The following MILR1 variants were observed in gnomAD, a reference collection of about 807,000 sequenced individuals.
MILR1 encodes allergin-1.
Under a neutral mutation model 18.5 loss-of-function variants are expected in MILR1, and 31 were observed. That is an observed-to-expected ratio of 1.68 (90% CI 1.26 to 2.26). The LOEUF (loss-of-function observed/expected upper bound fraction) is 2.26, where lower values mean the gene tolerates loss of function less well. MILR1 is among the 30% of genes most tolerant of loss of function. The probability of loss-of-function intolerance (pLI) is 0.00; values close to 1 mark genes in which losing one functional copy is unlikely to be tolerated. For missense variants in MILR1, 257 were observed against 157.4 expected, an observed-to-expected ratio of 1.63 and a Z score of -3.38; for synonymous variants, 85 against 56.2, an observed-to-expected ratio of 1.51 and a Z score of -2.30.
At chr17:64,467,866 C>CA in intron 9 of MILR1, 1 of 340,152 alleles carries the variant, frequency 2.9e-6, no homozygotes, top group South Asian at 2.7e-5. Context: ...GCCCGGGAGG[C>CA]AGAGGTTGCA....
chr17:64,496,868 G>A, the MILR1 span: 2 of 1,613,550 alleles, frequency 1.2e-6, no homozygotes, highest in East Asian at 2.2e-5. Context: ...ACTCCTTTCC[G>A]TCAACAGCTC....
At chr17:64,483,513 C>CAAA in the MILR1 span, among the ~76,000 whole-genome samples, 1 of 113,450 alleles carries the variant, frequency 8.8e-6, no homozygotes, top group African/African-American at 2.9e-5. Flanking sequence ...GATCCTGTCT[C>CAAA]AAAAAAAAAA....
the MILR1 span, among the ~76,000 whole-genome samples, chr17:64,479,584 A>T: frequency 2.0e-5 from 3 of 152,046 alleles, no homozygotes; most frequent in Non-Finnish European, 4.4e-5. Context: ...CAAAAAGCTT[A>T]AAAAAAATAA....
chr17:64,488,127 G>C, the MILR1 span, among the ~76,000 whole-genome samples: 1 of 152,108 alleles, frequency 6.6e-6, no homozygotes, highest in Non-Finnish European at 1.5e-5. Flanking sequence ...ACTTTGGGAG[G>C]CTAAGGCAGG....
downstream of MILR1, among the ~76,000 whole-genome samples, chr17:64,471,549 C>A (rs553566395): frequency 1.3e-5 from 2 of 152,170 alleles, no homozygotes; most frequent in Non-Finnish European, 2.9e-5. Context: ...AGTGAGTAGA[C>A]CCTCAGATGC....
At chr17:64,476,513 CTTAAA>C in the MILR1 span, among the ~76,000 whole-genome samples, 1 of 151,932 alleles carries the variant, frequency 6.6e-6, no homozygotes, top group African/African-American at 2.4e-5. Context: ...GACCCTGTCT[CTTAAA>C]TTAATAAATA....
intron 6 of MILR1, among the ~76,000 whole-genome samples, chr17:64,466,056 T>TA (rs2037551055): frequency 6.6e-6 from 1 of 152,174 alleles, no homozygotes; most frequent in African/African-American, 2.4e-5. Flanking sequence ...TCGGGAGACT[T>TA]ACAATCATGG....
chr17:64,496,781 C>T, the MILR1 span: 2 of 1,613,946 alleles, frequency 1.2e-6, no homozygotes, highest in Middle Eastern at 1.6e-4. Flanking sequence ...GCTTCCCTCT[C>T]CAGACCCGGG....
At chr17:64,483,211 T>C in the MILR1 span, among the ~76,000 whole-genome samples, 4 of 152,256 alleles carry the variant, frequency 2.6e-5, no homozygotes, top group Non-Finnish European at 5.9e-5. Flanking sequence ...ACTTAGATGT[T>C]TGGCAGAAAG....
chr17:64,454,167 G>A (rs2037238771), intron 3 of MILR1, among the ~76,000 whole-genome samples: 2 of 151,588 alleles, frequency 1.3e-5, no homozygotes, highest in African/African-American at 4.9e-5. Flanking sequence ...GACCTCAGGT[G>A]ATCCACCCAC....
the MILR1 span, chr17:64,492,891 A>G: frequency 6.2e-7 from 1 of 1,613,984 alleles, no homozygotes; most frequent in African/African-American, 1.3e-5. Flanking sequence ...GCCACTTTTT[A>G]TACCTTTTAA....
rs1448379368 is a variant in MILR1, at chr17:64,457,652, C to T, written c.620C>T (p.Thr207Ile). Reference sequence around the variant, plus strand: ...AAAAACAGATTGCCTAACTATGCAACATACAGTCACCCTGTCACCATGCCC... The same window carrying T: ...AAAAACAGATTGCCTAACTATGCAATATACAGTCACCCTGTCACCATGCCC... ...EAKNRLPNYA[T>I]YSHPVTMPST... The change falls in exon 4 of 10, where the codon ACA (threonine) becomes ATA (isoleucine). Residue 207 changes from threonine to isoleucine, a missense_variant. By Grantham distance (89) the Thr-to-Ile change is moderately conservative. Coordinates refer to ENST00000619286, the MANE Select transcript of MILR1 (RefSeq NM_001085423.2). 6.3e-6 allele frequency: 3 copies of T among 475,100 alleles called. No individual in the cohort carries two copies. Among genetic ancestry groups the T allele is most frequent in the African/African-American group, 2.0e-5 (1 of 50,524 alleles). The allele number at this position is 475,100 out of a possible 1,614,324, so 29.4% of individuals were successfully genotyped here.
chr17:64,470,253 C>T (rs1473604147), downstream of MILR1, among the ~76,000 whole-genome samples: 1 of 152,082 alleles, frequency 6.6e-6, no homozygotes, highest in Non-Finnish European at 1.5e-5. Context: ...ACCACCATGC[C>T]CAGCTAATTT....
the MILR1 span, chr17:64,497,163 G>A: frequency 1.5e-6 from 1 of 656,978 alleles, no homozygotes; most frequent in South Asian, 1.7e-5. Flanking sequence ...CATGGCGGAC[G>A]CCGGCTCGGA....
At chr17:64,479,232 G>T in the MILR1 span, among the ~76,000 whole-genome samples, 1 of 144,310 alleles carries the variant, frequency 6.9e-6, no homozygotes, top group Non-Finnish European at 1.5e-5. Context: ...CACCCAGGAT[G>T]GAGTGCAGTG....
At chr17:64,470,556 A>G (rs1268387907), downstream of MILR1, among the ~76,000 whole-genome samples, 1 of 152,124 alleles carries the variant, frequency 6.6e-6, no homozygotes, top group Non-Finnish European at 1.5e-5. Context: ...TCTCCTTCTC[A>G]AGAGCGCTCG....
the MILR1 span, among the ~76,000 whole-genome samples, chr17:64,475,458 G>A: frequency 6.6e-6 from 1 of 151,850 alleles, no homozygotes; most frequent in Non-Finnish European, 1.5e-5. Flanking sequence ...AGACCAGCCT[G>A]ACCAACATGG....
the MILR1 span, among the ~76,000 whole-genome samples, chr17:64,496,176 A>G: frequency 6.6e-6 from 1 of 152,348 alleles, no homozygotes; most frequent in East Asian, 1.9e-4. Flanking sequence ...CGTGAAATTG[A>G]GAGCGTTCCC....
the MILR1 span, chr17:64,496,396 G>T: frequency 6.5e-7 from 1 of 1,541,970 alleles, no homozygotes. Flanking sequence ...GCATGAAATC[G>T]TGAAGCATAC....
Sources: allele counts gnomAD v4.1 joint callset (sites outside exome capture counted in the v4.1 genomes callset), GRCh38; gene constraint gnomAD v4.1.1; transcripts MANE v1.5; gene names NCBI Gene and HGNC (gene_info 2026-07-23, HGNC 2026-07-21).